TTC17: variants seen among roughly 807,000 people sequenced by gnomAD.
TTC17 encodes the protein tetratricopeptide repeat domain 17, also known as tetratricopeptide repeat protein 17.
A neutral mutation model predicts 143.8 loss-of-function variants in TTC17; 58 were observed. The ratio of observed to expected loss-of-function variants is 0.40; its 90% CI spans 0.33 to 0.50. The LOEUF (loss-of-function observed/expected upper bound fraction) is 0.50, where lower values mean the gene tolerates loss of function less well. TTC17 is among the 20% of genes least tolerant of loss of function. The probability of loss-of-function intolerance (pLI) is 0.49; values close to 1 mark genes in which losing one functional copy is unlikely to be tolerated. For missense variants in TTC17, 1,273 were observed against 1,392.5 expected (o/e 0.91, Z 1.37); for synonymous variants, 501 against 497.8 (o/e 1.01, Z -0.09).
At chr11:43,396,109 G>A (rs1177255781) in intron 5 of TTC17, 1 of 151,820 alleles carries the variant, frequency 6.6e-6, no homozygotes, top group African/African-American at 2.4e-5. Context: ...AGTAAGTATT[G>A]GCTTTCTTTT....
At chr11:43,359,239 C>A (rs1321576647) in intron 1 of TTC17, 126 bp downstream of exon 1, 9 of 1,229,574 alleles carry the variant, frequency 7.3e-6, no homozygotes, top group Non-Finnish European at 8.6e-6. Flanking sequence ...GGAGGTGGCA[C>A]CGCGACCTCG....
chr11:43,380,340 C>A (rs2134483530), intron 2 of TTC17, among the ~76,000 whole-genome samples: 2 of 152,322 alleles, frequency 1.3e-5, no homozygotes, highest in South Asian at 4.1e-4. Context: ...GCTGCAACCT[C>A]CACCTCCCCG....
At chr11:43,438,081 C>T (rs1276892888) in intron 16 of TTC17, among the ~76,000 whole-genome samples, 1 of 152,228 alleles carries the variant, frequency 6.6e-6, no homozygotes, top group East Asian at 1.9e-4. Context: ...ATATCTGCAG[C>T]TTTCCAATCT....
chr11:43,366,624 C>G (rs999668386), intron 1 of TTC17, among the ~76,000 whole-genome samples: 1 of 152,198 alleles, frequency 6.6e-6, no homozygotes. Context: ...TGCACTCTCA[C>G]TCCCCAGGGA....
chr11:43,463,703 T>C (rs1947914501), intron 21 of TTC17, among the ~76,000 whole-genome samples: 1 of 152,150 alleles, frequency 6.6e-6, no homozygotes. Context: ...AGGCAAGCTA[T>C]TAATAATTGT....
At chr11:43,484,227 G>A (rs1948339487) in intron 21 of TTC17, among the ~76,000 whole-genome samples, 1 of 152,196 alleles carries the variant, frequency 6.6e-6, no homozygotes, top group African/African-American at 2.4e-5. Context: ...TATCTGTATA[G>A]TAAACCCCAA....
chr11:43,364,084 C>A (rs1260157094), intron 1 of TTC17, among the ~76,000 whole-genome samples: 5 of 112,542 alleles, frequency 4.4e-5, no homozygotes, highest in Non-Finnish European at 8.3e-5. Flanking sequence ...GAGACGGAGT[C>A]TCACTCTTAT....
At chr11:43,363,374 GA>G (rs1205253622) in intron 1 of TTC17, among the ~76,000 whole-genome samples, 3 of 151,944 alleles carry the variant, frequency 2.0e-5, no homozygotes, top group Admixed American at 6.6e-5. Context: ...TCATTTTGTT[GA>G]AAAAAATATA....
chr11:43,469,757 G>A (rs72900981), intron 21 of TTC17, among the ~76,000 whole-genome samples: 14,051 of 152,210 alleles, frequency 0.092, 797 homozygotes, highest in Middle Eastern at 0.16. Flanking sequence ...CTGTGTCTTT[G>A]TTACTTAATT....
At chr11:43,397,901 CGTGTGTGTGT>C (rs368934799) in intron 7 of TTC17, 63 bp from the exon 8 acceptor site, 64,646 of 1,248,668 alleles carry the variant, frequency 0.052, 842 homozygotes, top group African/African-American at 0.056. Context: ...TTTTTTTTTC[CGTGTGTGTGT>C]GTGTGTGTGT....
intron 10 of TTC17, among the ~76,000 whole-genome samples, chr11:43,403,209 T>C (rs549650507): frequency 6.6e-6 from 1 of 152,340 alleles, no homozygotes; most frequent in East Asian, 1.9e-4. Context: ...GACTTTTTGA[T>C]GGTCTCAAGA....
At chr11:43,377,422 G>T (rs1164534104) in intron 1 of TTC17, among the ~76,000 whole-genome samples, 1 of 152,214 alleles carries the variant, frequency 6.6e-6, no homozygotes, top group African/African-American at 2.4e-5. Flanking sequence ...ATCTAAGGAG[G>T]AGAAGTATTT....
intron 18 of TTC17, chr11:43,446,458 G>A (rs1292757167): frequency 3.6e-6 from 1 of 278,296 alleles, no homozygotes; most frequent in East Asian, 1.7e-4. Context: ...TGTACCCCTA[G>A]TGTCTTTTAT....
chr11:43,451,059 C>A, intron 20 of TTC17, 123 bp from the exon 21 acceptor site: 1 of 821,074 alleles, frequency 1.2e-6, no homozygotes, highest in Non-Finnish European at 1.9e-6. Flanking sequence ...CCAATAGGAC[C>A]ACAGCATGTA....
intron 21 of TTC17, among the ~76,000 whole-genome samples, chr11:43,477,499 T>C (rs1443661750): frequency 6.6e-6 from 1 of 152,194 alleles, no homozygotes; most frequent in Non-Finnish European, 1.5e-5. Flanking sequence ...GGCCTCAGAA[T>C]CATGGCAGGA....
At chr11:43,457,151 A>C (rs1322594296) in intron 21 of TTC17, among the ~76,000 whole-genome samples, 1 of 151,950 alleles carries the variant, frequency 6.6e-6, no homozygotes, top group Admixed American at 6.6e-5. Context: ...GGGGATTCTG[A>C]TTAGATCTAG....
At chr11:43,431,370 C>A (rs963093040) in intron 16 of TTC17, among the ~76,000 whole-genome samples, 2 of 152,196 alleles carry the variant, frequency 1.3e-5, no homozygotes, top group Non-Finnish European at 2.9e-5. Flanking sequence ...AGTGGATGAA[C>A]TAATTTACGC....
intron 1 of TTC17, among the ~76,000 whole-genome samples, chr11:43,367,780 T>G (rs1013962803): frequency 6.6e-6 from 1 of 151,976 alleles, no homozygotes; most frequent in Admixed American, 6.6e-5. Context: ...AAAAGAGTTA[T>G]CTGTGCTCGT....
chr11:43,403,036 C>G (rs542893554), intron 10 of TTC17, among the ~76,000 whole-genome samples: 1 of 151,980 alleles, frequency 6.6e-6, no homozygotes, highest in East Asian at 1.9e-4. Context: ...TATTGTAAAC[C>G]AGCTCCCAGC....
Sources: allele counts gnomAD v4.1 joint callset (sites outside exome capture counted in the v4.1 genomes callset), GRCh38; gene constraint gnomAD v4.1.1; transcripts MANE v1.5; gene names NCBI Gene and HGNC (gene_info 2026-07-23, HGNC 2026-07-21).